Variants in CHSY1 observed in about 807,000 individuals in gnomAD.
CHSY1 encodes the protein N-acetylgalactosaminyl-proteoglycan 3-beta-glucuronosyltransferase 1.
CHSY1 carries 13 observed loss-of-function variants against 59.8 expected under a neutral mutation model. The ratio of observed to expected loss-of-function variants is 0.22; its 90% confidence interval spans 0.14 to 0.35. The LOEUF is 0.35. Ranked by LOEUF, CHSY1 falls within the 10% of genes least tolerant of loss-of-function variation. The pLI, the probability that CHSY1 is intolerant of heterozygous loss-of-function variation, is 1.00. For missense variants in CHSY1, 947 were observed against 1,030.6 expected, an observed-to-expected ratio of 0.92 and a Z score of 1.11; for synonymous variants, 459 against 401.2, an observed-to-expected ratio of 1.14 and a Z score of -1.72.
At chr15:101,233,154 T>C (rs1200121034) in intron 2 of CHSY1, among the ~76,000 whole-genome samples, 2 of 152,162 alleles carry the variant, frequency 1.3e-5, no homozygotes, top group African/African-American at 4.8e-5. Flanking sequence ...AGAAACCTTT[T>C]GTGATTACCT....
intron 2 of CHSY1, among the ~76,000 whole-genome samples, chr15:101,190,964 G>A (rs1024394032): frequency 3.3e-5 from 5 of 152,172 alleles, no homozygotes; most frequent in African/African-American, 1.2e-4. Flanking sequence ...CTCGCTCACT[G>A]CCGGGGAGAA....
chr15:101,194,009 C>T (rs1387857607), intron 2 of CHSY1, among the ~76,000 whole-genome samples: 3 of 152,238 alleles, frequency 2.0e-5, no homozygotes, highest in Non-Finnish European at 2.9e-5. Context: ...TGCTCAGGGG[C>T]GGTCAGATGC....
intron 2 of CHSY1, among the ~76,000 whole-genome samples, chr15:101,182,657 A>T (rs1181341776): frequency 6.6e-6 from 1 of 152,200 alleles, no homozygotes; most frequent in Non-Finnish European, 1.5e-5. Flanking sequence ...CAGAAAACTT[A>T]TTCCACTCCC....
At chr15:101,181,741 T>G (rs770337332) in intron 2 of CHSY1, among the ~76,000 whole-genome samples, 4 of 152,144 alleles carry the variant, frequency 2.6e-5, no homozygotes, top group Non-Finnish European at 5.9e-5. Flanking sequence ...GGAACTGACA[T>G]GATTTTCTCC....
chr15:101,250,261 A>G (rs2039093317), intron 1 of CHSY1, among the ~76,000 whole-genome samples: 1 of 152,204 alleles, frequency 6.6e-6, no homozygotes, highest in Non-Finnish European at 1.5e-5. Flanking sequence ...AAGTGTCTCT[A>G]TACTTCACAC....
chr15:101,206,263 T>C (rs1211880315), intron 2 of CHSY1, among the ~76,000 whole-genome samples: 5 of 152,228 alleles, frequency 3.3e-5, no homozygotes, highest in Non-Finnish European at 5.9e-5. Flanking sequence ...GGAGTGAAAC[T>C]AGACAGACAA....
intron 2 of CHSY1, among the ~76,000 whole-genome samples, chr15:101,213,848 G>A (rs1161293563): frequency 6.6e-6 from 1 of 152,190 alleles, no homozygotes; most frequent in African/African-American, 2.4e-5. Context: ...CCTAGACTCG[G>A]TGTTTAAGTC....
chr15:101,207,700 A>T (rs1397737216), intron 2 of CHSY1, among the ~76,000 whole-genome samples: 1 of 152,270 alleles, frequency 6.6e-6, no homozygotes, highest in Admixed American at 6.5e-5. Flanking sequence ...CAGTCTTGCT[A>T]AATTTACCAA....
intron 2 of CHSY1, among the ~76,000 whole-genome samples, chr15:101,201,932 G>A (rs2038578180): frequency 6.6e-6 from 1 of 152,196 alleles, no homozygotes; most frequent in Non-Finnish European, 1.5e-5. Context: ...GCCAGGGAAG[G>A]GCCCACTACA....
At chr15:101,197,280 CATTA>C (rs1280394490) in intron 2 of CHSY1, among the ~76,000 whole-genome samples, 1 of 152,120 alleles carries the variant, frequency 6.6e-6, no homozygotes, top group African/African-American at 2.4e-5. Context: ...ACTGGAAGCC[CATTA>C]ATTATGTTCC....
chr15:101,217,469 T>A (rs2038746328), intron 2 of CHSY1, among the ~76,000 whole-genome samples: 1 of 152,192 alleles, frequency 6.6e-6, no homozygotes, highest in African/African-American at 2.4e-5. Context: ...CAAGTCTTGC[T>A]TTCTAATACC....
chr15:101,216,243 C>G (rs1007660341), intron 2 of CHSY1, among the ~76,000 whole-genome samples: 2 of 152,174 alleles, frequency 1.3e-5, no homozygotes, highest in African/African-American at 4.8e-5. Flanking sequence ...ACTGATAACA[C>G]CCAGTCCTGG....
rs775921765 is a variant in CHSY1, at chr15:101,251,126, C to T, written c.320+11G>A. 9 of 1,569,028 alleles carry T rather than the reference C, an allele frequency of 5.7e-6. No individual in the cohort carries two copies. In the South Asian group the frequency reaches 1.0e-4, roughly 18 times the overall value. On this transcript the variant is annotated intron_variant, in intron 1 of 2. Coordinates refer to ENST00000254190, the MANE Select transcript of CHSY1 (RefSeq NM_014918.5). ...GACGCAGGAGGCGGTGCCCGGGGAG[C>T]AGGGGCTCACCTGTAGGCGGCCACG...
At chr15:101,244,018 C>T (rs7182945) in intron 1 of CHSY1, among the ~76,000 whole-genome samples, 64,266 of 152,090 alleles carry the variant, frequency 0.42, 15,645 homozygotes, top group African/African-American at 0.69. Flanking sequence ...CTTGACACCA[C>T]ATCAGAGCAG....
intron 2 of CHSY1, among the ~76,000 whole-genome samples, chr15:101,194,322 T>C (rs1319118959): frequency 6.6e-6 from 1 of 152,284 alleles, no homozygotes; most frequent in Non-Finnish European, 1.5e-5. Flanking sequence ...ACTCCTCTGC[T>C]TCTTTCTTAG....
chr15:101,212,105 G>A (rs2038687961), intron 2 of CHSY1, among the ~76,000 whole-genome samples: 1 of 152,086 alleles, frequency 6.6e-6, no homozygotes, highest in African/African-American at 2.4e-5. Context: ...AAATCACAAT[G>A]AAGTAAATGC....
chr15:101,235,077 C>T lies in CHSY1; in HGVS notation c.816+5G>A. 6.2e-7 allele frequency: 1 copy of T among 1,613,316 alleles called. No homozygotes were observed. The highest frequency in any genetic ancestry group is 8.5e-7 in the Non-Finnish European group (1 of 1,180,022). On this transcript the variant is annotated splice_donor_5th_base_variant and intron_variant, in intron 2 of 2. Transcript: ENST00000254190. ...TTTTCCCATGGTAAAGAATTCTGTT[C>T]TTACCTCATAAGACCAGACACACTG... is the stretch of plus-strand genomic sequence containing the variant.
intron 1 of CHSY1, among the ~76,000 whole-genome samples, chr15:101,236,465 C>G (rs111266325): frequency 0.024 from 3,684 of 152,262 alleles, 123 homozygotes; most frequent in African/African-American, 0.08. Flanking sequence ...GTAAGACGTG[C>G]CTTTCACTTT....
intron 2 of CHSY1, among the ~76,000 whole-genome samples, chr15:101,179,614 T>C (rs2038247782): frequency 6.6e-6 from 1 of 152,192 alleles, no homozygotes; most frequent in Non-Finnish European, 1.5e-5. Context: ...GCCTCCTGCG[T>C]ACGAGGAAGG....
Sources: gnomAD v4.1 joint callset for allele counts (sites outside exome capture counted in the v4.1 genomes callset) on GRCh38, gnomAD v4.1.1 for gene constraint, MANE v1.5 for transcripts, NCBI Gene and HGNC (gene_info 2026-07-23, HGNC 2026-07-21) for gene names.